N4BP2L2: variants seen among roughly 807,000 people sequenced by gnomAD.
N4BP2L2 encodes the protein NEDD4 binding protein 2 like 2.
N4BP2L2 carries 50 observed loss-of-function variants against 56.2 expected under a neutral mutation model. That is an observed-to-expected ratio of 0.89 (90% CI 0.71 to 1.13). N4BP2L2 has a LOEUF of 1.13. N4BP2L2 is among the 50% of genes most tolerant of loss of function. The pLI is 0.00. For missense variants in N4BP2L2, 689 were observed against 693.8 expected (o/e 0.99, Z 0.08); for synonymous variants, 203 against 223.6 (o/e 0.91, Z 0.82).
chr13:32,535,892 T>C, exon 2 of N4BP2L2: 3 of 1,614,130 alleles, frequency 1.9e-6, no homozygotes, highest in Non-Finnish European at 2.5e-6. Flanking sequence ...ATTATGCTTG[T>C]CCATACAATG....
At chr13:32,520,678 A>T (rs529356139) in intron 5 of N4BP2L2, among the ~76,000 whole-genome samples, 10 of 148,608 alleles carry the variant, frequency 6.7e-5, no homozygotes, top group Middle Eastern at 3.5e-3. Context: ...AAAGTAAAGG[A>T]AAAAAAAAAG....
intron 6 of N4BP2L2, among the ~76,000 whole-genome samples, chr13:32,469,261 C>T (rs1041182642): frequency 6.6e-6 from 1 of 152,190 alleles, no homozygotes; most frequent in African/African-American, 2.4e-5. Context: ...GCATCATGGG[C>T]TGTGGTAACT....
At chr13:32,474,434 A>C (rs2082882158) in intron 6 of N4BP2L2, among the ~76,000 whole-genome samples, 1 of 152,122 alleles carries the variant, frequency 6.6e-6, no homozygotes, top group Non-Finnish European at 1.5e-5. Context: ...TCACGCCTGT[A>C]ATCCCAGCAC....
chr13:32,514,449 A>G (rs1488767210), exon 6 of N4BP2L2: 2 of 152,208 alleles, frequency 1.3e-5, no homozygotes, highest in Admixed American at 1.3e-4. Context: ...TCTTAGGTAA[A>G]TATGATTAAT....
intron 9 of N4BP2L2, among the ~76,000 whole-genome samples, chr13:32,434,795 T>C (rs577601219): frequency 1.3e-5 from 2 of 152,218 alleles, no homozygotes; most frequent in African/African-American, 4.8e-5. Context: ...AATCTGCACA[T>C]AGCTATAGCA....
chr13:32,448,813 T>C (rs1260545965), intron 6 of N4BP2L2, among the ~76,000 whole-genome samples: 1 of 152,302 alleles, frequency 6.6e-6, no homozygotes, highest in East Asian at 1.9e-4. Flanking sequence ...AAATCTGAGA[T>C]TAAAACACAT....
chr13:32,486,269 GA>G (rs923893794), intron 6 of N4BP2L2, among the ~76,000 whole-genome samples: 9 of 151,830 alleles, frequency 5.9e-5, no homozygotes, highest in Non-Finnish European at 1.2e-4. Context: ...GATTAGGCAA[GA>G]AAAAAAATTC....
chr13:32,438,057 T>C (rs1465213768), intron 8 of N4BP2L2, among the ~76,000 whole-genome samples: 4 of 152,232 alleles, frequency 2.6e-5, no homozygotes, highest in African/African-American at 9.6e-5. Context: ...CGTGTGTACA[T>C]TGTGTAATGA....
chr13:32,477,478 GT>G, intron 6 of N4BP2L2: 1 of 198,014 alleles, frequency 5.1e-6, no homozygotes, highest in South Asian at 1.0e-4. Context: ...GACCAAAGAG[GT>G]TATAGAAGAT....
chr13:32,502,784 G>T (rs2090245253), intron 6 of N4BP2L2, among the ~76,000 whole-genome samples: 1 of 152,120 alleles, frequency 6.6e-6, no homozygotes, highest in South Asian at 2.1e-4. Context: ...GAACTCCATT[G>T]CTCCGTGAAC....
chr13:32,467,720 G>A (rs1052996727), intron 6 of N4BP2L2, among the ~76,000 whole-genome samples: 2 of 151,774 alleles, frequency 1.3e-5, no homozygotes, highest in Non-Finnish European at 2.9e-5. Flanking sequence ...CAGGCATGGT[G>A]GCTCACGCTT....
intron 9 of N4BP2L2, among the ~76,000 whole-genome samples, chr13:32,436,143 C>T (rs533555089): frequency 1.3e-5 from 2 of 151,398 alleles, no homozygotes; most frequent in South Asian, 4.2e-4. Context: ...TTGGGAGCAA[C>T]AATCTAAGCT....
chr13:32,483,593 T>TA (rs1279790328), intron 6 of N4BP2L2, among the ~76,000 whole-genome samples: 3 of 152,244 alleles, frequency 2.0e-5, no homozygotes, highest in Non-Finnish European at 4.4e-5. Flanking sequence ...AGATGATCTT[T>TA]ATTTATACTT....
chr13:32,536,094 G>A lies in N4BP2L2; in HGVS notation c.934C>T (p.Gln312Ter), dbSNP rs1205531325. ...TTTACATAATATCCATTTTGTATCT[G>A]AGAGTCATCTTGGGCTTGGAAAATA... Residue 312 changes from glutamine (Q) to a stop codon, truncating the protein, a stop_gained, in exon 2 of 6, where the codon CAG becomes TAG. Transcript: ENST00000267068. LOFTEE classifies it high-confidence loss of function. 6.2e-7 allele frequency: 1 copy of A among 1,613,904 alleles called. No homozygotes were observed. The highest frequency in any genetic ancestry group is 8.5e-7 in the Non-Finnish European group (1 of 1,179,972).
chr13:32,467,511 CAAGTGATCT>C (rs2138844647), intron 6 of N4BP2L2, among the ~76,000 whole-genome samples: 1 of 150,890 alleles, frequency 6.6e-6, no homozygotes, highest in African/African-American at 2.4e-5. Flanking sequence ...CTCCTGACCT[CAAGTGATCT>C]GCCTGCCTCG....
At chr13:32,508,702 C>T (rs150147978), downstream of N4BP2L2, 10 of 152,170 alleles carry the variant, frequency 6.6e-5, no homozygotes, top group East Asian at 1.5e-3. Flanking sequence ...TAAAGATATC[C>T]ATCAGTACCA....
chr13:32,434,810 T>A (rs1298874411), intron 9 of N4BP2L2, among the ~76,000 whole-genome samples: 5 of 152,132 alleles, frequency 3.3e-5, no homozygotes, highest in Admixed American at 2.6e-4. Flanking sequence ...ATAGCACTCA[T>A]AAAATTCCCT....
intron 6 of N4BP2L2, among the ~76,000 whole-genome samples, chr13:32,451,286 A>T (rs1247225095): frequency 6.6e-6 from 1 of 151,992 alleles, no homozygotes; most frequent in East Asian, 1.9e-4. Flanking sequence ...AAAAGAAAAA[A>T]ATATATATAC....
At chr13:32,527,665 CCTGA>C in intron 2 of N4BP2L2, 133 bp from the exon 3 acceptor site, 8 of 981,182 alleles carry the variant, frequency 8.2e-6, no homozygotes, top group Non-Finnish European at 1.2e-5. Flanking sequence ...CTGATACTTA[CCTGA>C]AAGTATATCA....
Sources: gnomAD v4.1 joint callset for allele counts (sites outside exome capture counted in the v4.1 genomes callset) on GRCh38, gnomAD v4.1.1 for gene constraint, MANE v1.5 for transcripts, NCBI Gene and HGNC (gene_info 2026-07-23, HGNC 2026-07-21) for gene names.